Variants in PNPLA7 observed in about 807,000 individuals in gnomAD.
PNPLA7 encodes the protein patatin like domain 7, lysophospholipase, also known as patatin-like phospholipase domain-containing protein 7.
A neutral mutation model predicts 161.7 loss-of-function variants in PNPLA7; 153 were observed. The ratio of observed to expected loss-of-function variants is 0.95; its 90% CI spans 0.83 to 1.08. The LOEUF (loss-of-function observed/expected upper bound fraction) is 1.08, where lower values mean the gene tolerates loss of function less well. Among genes scored for constraint, PNPLA7 ranks in the 50% least tolerant of loss-of-function variants. The probability of loss-of-function intolerance (pLI) is 0.00; values close to 1 mark genes in which losing one functional copy is unlikely to be tolerated. For synonymous variants in PNPLA7, 809 were observed against 782.1 expected, an observed-to-expected ratio of 1.03 and a Z score of -0.57; for missense variants, 1,739 against 1,856.6, an observed-to-expected ratio of 0.94 and a Z score of 1.16.
intron 20 of PNPLA7, among the ~76,000 whole-genome samples, chr9:137,491,046 A>C (rs1409957518): frequency 2.0e-5 from 3 of 152,218 alleles, no homozygotes; most frequent in African/African-American, 7.2e-5. Flanking sequence ...GACATCATGG[A>C]AACCACAGTT....
rs539718874 is a variant in PNPLA7, at chr9:137,486,964, C to T, written c.2198-2228G>A. Reference sequence around the variant, plus strand: ...TCAGGGAGCGCTGCCCCACCACCTGCGTGCCCCTGCCCCTCCCCCCGCCCT... The same window carrying T: ...TCAGGGAGCGCTGCCCCACCACCTGTGTGCCCCTGCCCCTCCCCCCGCCCT... On this transcript the variant is annotated intron_variant, in intron 20 of 34. Coordinates refer to ENST00000406427, the MANE Select transcript of PNPLA7 (RefSeq NM_001098537.3). This position sits in a 1 kb window ranked among gnomAD's most constrained non-coding sequence, Gnocchi z 6.0. Among the ~76,000 whole-genome samples, 12 of 151,268 alleles carry T rather than the reference C, an allele frequency of 7.9e-5. No individual in the cohort carries two copies. Among genetic ancestry groups the T allele is most frequent in the South Asian group, 6.3e-4 (3 of 4,774 alleles).
intron 21 of PNPLA7, among the ~76,000 whole-genome samples, chr9:137,482,082 T>G (rs2132153672): frequency 6.6e-6 from 1 of 152,256 alleles, no homozygotes; most frequent in East Asian, 1.9e-4. Flanking sequence ...GAGCTGAAAA[T>G]CCAGCCCAAT....
At chr9:137,496,568 G>A (rs926409921) in intron 18 of PNPLA7, among the ~76,000 whole-genome samples, 18 of 151,956 alleles carry the variant, frequency 1.2e-4, no homozygotes, top group Non-Finnish European at 1.6e-4. Flanking sequence ...AAAATTAGCC[G>A]GGCGTGGTGG....
intron 9 of PNPLA7, among the ~76,000 whole-genome samples, chr9:137,522,056 C>A (rs1018657994): frequency 3.9e-5 from 6 of 152,162 alleles, no homozygotes; most frequent in Non-Finnish European, 7.4e-5. Context: ...TGTGAACATT[C>A]ATTTTTATTT....
At chr9:137,526,108 C>A (rs1835289491) in intron 8 of PNPLA7, among the ~76,000 whole-genome samples, 1 of 151,932 alleles carries the variant, frequency 6.6e-6, no homozygotes, top group South Asian at 2.1e-4. Context: ...TATAACTATT[C>A]TTATTCTGTA....
chr9:137,486,482 C>T lies in PNPLA7; in HGVS notation c.2198-1746G>A, dbSNP rs574587629. Among the ~76,000 whole-genome samples the T allele has an allele frequency of 4.6e-5, 7 of 152,270 alleles. No individual in the cohort carries two copies. Among genetic ancestry groups the T allele is most frequent in the African/African-American group, 1.7e-4 (7 of 41,544 alleles). ...GTGATTCCATTATTAAATAAATACT[C>T]AAGGCCTCCCAAAAGAAAAACACCC... On this transcript the variant is annotated intron_variant, in intron 20 of 34. Transcript: ENST00000406427. The surrounding 1 kb of genome is among the most constrained non-coding windows in gnomAD (Gnocchi z 6.0).
chr9:137,469,825 CAAT>C (rs1831633775), intron 25 of PNPLA7, among the ~76,000 whole-genome samples: 1 of 152,108 alleles, frequency 6.6e-6, no homozygotes, highest in Non-Finnish European at 1.5e-5. Flanking sequence ...GAGAAAGCAT[CAAT>C]GATGAACAGG....
intron 21 of PNPLA7, among the ~76,000 whole-genome samples, chr9:137,483,258 T>C (rs1313628261): frequency 6.6e-6 from 1 of 152,048 alleles, no homozygotes; most frequent in African/African-American, 2.4e-5. Flanking sequence ...AGGGAACTAG[T>C]TTATGTGACG....
At chr9:137,536,670 A>C (rs546259390) in intron 8 of PNPLA7, among the ~76,000 whole-genome samples, 1 of 152,226 alleles carries the variant, frequency 6.6e-6, no homozygotes, top group Non-Finnish European at 1.5e-5. Context: ...TCAGCTGTGA[A>C]TAGTATCCAT....
At chr9:137,480,141 G>A (rs1237760184) in intron 23 of PNPLA7, among the ~76,000 whole-genome samples, 171 bp downstream of exon 23, 1 of 152,256 alleles carries the variant, frequency 6.6e-6, no homozygotes, top group Admixed American at 6.5e-5. Flanking sequence ...AGAACCCCTG[G>A]AGGTCAATAC....
intron 1 of PNPLA7, among the ~76,000 whole-genome samples, chr9:137,548,453 G>C (rs1469242788): frequency 1.3e-5 from 2 of 152,226 alleles, no homozygotes; most frequent in Non-Finnish European, 2.9e-5. Flanking sequence ...ATCCGTGCCA[G>C]AAAATCCAGG....
In PNPLA7 at chr9:137,507,067, C is replaced by T. The variant is rs1414831239; in HGVS notation, c.1226-984G>A. Among the ~76,000 whole-genome samples the T allele has an allele frequency of 2.6e-5, 4 of 152,222 alleles. No homozygotes were observed. In the East Asian group the frequency reaches 7.7e-4, roughly 29 times the overall value. ...TCCCTGGGAAGCCAGACACAGAGAG[C>T]CAGGAGCGCTGGGCCTTGGAAAGGG... On this transcript the variant is annotated intron_variant, in intron 12 of 34. Transcript: ENST00000406427.
chr9:137,493,022 G>GTCCC lies in PNPLA7; in HGVS notation c.2184_2187dup (p.Pro730GlyfsTer62), dbSNP rs1323881740. 2 of 1,613,538 alleles carry GTCCC rather than the reference G, an allele frequency of 1.2e-6. No individual in the cohort carries two copies. Among genetic ancestry groups the GTCCC allele is most frequent in the African/African-American group, 2.7e-5 (2 of 74,894 alleles). ...GGGAGAGGTGACCCACCTGTCACAG[G>GTCCC]TCCCTGCTGGAGGCTGCCCAGGATC... is the stretch of plus-strand genomic sequence containing the variant. On this transcript the variant is annotated frameshift_variant, in exon 20 of 35. Transcript: ENST00000406427. LOFTEE classifies it high-confidence loss of function.
rs990628068 is a variant in PNPLA7 at position 137,467,664 on chromosome 9, A to T, written c.2883-191T>A. Among the ~76,000 whole-genome samples, 5 of 152,244 alleles carry T rather than the reference A, an allele frequency of 3.3e-5. No homozygotes were observed. Among genetic ancestry groups the T allele is most frequent in the African/African-American group, 1.2e-4 (5 of 41,462 alleles). On this transcript the variant is annotated intron_variant, in intron 25 of 34. Coordinates refer to ENST00000406427, the MANE Select transcript of PNPLA7 (RefSeq NM_001098537.3). This position sits in a 1 kb window ranked among gnomAD's most constrained non-coding sequence, Gnocchi z 5.1. ...TGTCATCTCAGCACTTTGGGAGGCC[A>T]AGGCGGGCAGATCACTTGAGGCCAG...
chr9:137,463,100 T>A, intron 29 of PNPLA7: 1 of 596,926 alleles, frequency 1.7e-6, no homozygotes, highest in Admixed American at 3.0e-5. Flanking sequence ...TGCAGGCTGT[T>A]AGTTTCTGAC....
intron 28 of PNPLA7, 102 bp from the exon 29 acceptor site, chr9:137,463,633 C>G (rs1411685199): frequency 1.2e-6 from 1 of 809,620 alleles, no homozygotes; most frequent in Non-Finnish European, 1.9e-6. Context: ...TAGGTCCCAA[C>G]TCTCTGAGGC....
chr9:137,460,435 A>T lies in PNPLA7; in HGVS notation c.3987T>A (p.Ala1329=), dbSNP rs773741315. ...AGGAGCCCTCAGACAGTTTTGGGAA[A>T]GCCAGACTGGGGTGTCGATGCCGCA... ...SSLRHRHPSL[A]FPKLSEGSSD... is the part of the protein sequence containing the mutation. The change falls in exon 35 of 35, where the codon GCT becomes GCA. Residue 1329 remains alanine, a synonymous_variant. Transcript: ENST00000406427. The T allele has an allele frequency of 6.8e-6, 11 of 1,612,746 alleles. No homozygotes were observed. In the South Asian group the frequency reaches 1.1e-4, roughly 16 times the overall value.
At chr9:137,477,023 T>C (rs1831969038) in intron 25 of PNPLA7, among the ~76,000 whole-genome samples, 1 of 152,210 alleles carries the variant, frequency 6.6e-6, no homozygotes, top group African/African-American at 2.4e-5. Flanking sequence ...GTAGCAGTGC[T>C]GGCACTCCGT....
At chr9:137,489,838 G>A (rs547162988) in intron 20 of PNPLA7, among the ~76,000 whole-genome samples, 211 of 152,282 alleles carry the variant, frequency 1.4e-3, no homozygotes, top group African/African-American at 4.9e-3. Flanking sequence ...TTTAAAAAAT[G>A]AGCAGTGCCC....
Sources: gnomAD v4.1 joint callset for allele counts (sites outside exome capture counted in the v4.1 genomes callset) on GRCh38, gnomAD v4.1.1 for gene constraint, Gnocchi (gnomAD v3.1) non-coding constraint, MANE v1.5 for transcripts, NCBI Gene and HGNC (gene_info 2026-07-23, HGNC 2026-07-21) for gene names.